The following OPHN1 variants were observed in gnomAD, a reference collection of about 807,000 sequenced individuals.
OPHN1 encodes the protein oligophrenin 1.
OPHN1 carries 11 observed loss-of-function variants against 60.7 expected under a neutral mutation model. The ratio of observed to expected loss-of-function variants is 0.18; its 90% CI spans 0.11 to 0.30. The LOEUF is 0.30. Among genes scored for constraint, OPHN1 ranks in the 10% least tolerant of loss-of-function variants. The pLI is 1.00. For synonymous variants in OPHN1, 226 were observed against 222.6 expected (o/e 1.02, Z -0.14); for missense variants, 449 against 611.0 (o/e 0.73, Z 2.80).
intron 2 of OPHN1, among the ~76,000 whole-genome samples, chrX:68,363,331 CAG>C (rs962875757): frequency 3.6e-5 from 4 of 110,969 alleles, no homozygotes; most frequent in African/African-American, 1.3e-4. Context: ...TTTAGTGAGA[CAG>C]AGTTTCACTC....
chrX:68,153,136 G>C (rs1313337338), intron 15 of OPHN1, among the ~76,000 whole-genome samples: 2 of 106,706 alleles, frequency 1.9e-5, no homozygotes, highest in African/African-American at 6.9e-5. Flanking sequence ...ACTTGAACCC[G>C]GGAGGCGGAG....
intron 2 of OPHN1, among the ~76,000 whole-genome samples, chrX:68,376,072 T>C (rs5965561): frequency 0.29 from 32,811 of 111,242 alleles, 6,735 homozygotes; most frequent in African/African-American, 0.75. Flanking sequence ...TAGAGAAGTC[T>C]TGAAGGAGTT....
chrX:68,191,114 T>A (rs142666520), intron 15 of OPHN1, among the ~76,000 whole-genome samples: 1 of 111,845 alleles, frequency 8.9e-6, no homozygotes, highest in East Asian at 2.8e-4. Flanking sequence ...ACACTCAATT[T>A]GTTCTCTGAC....
chrX:68,375,047 A>G (rs759683594), intron 2 of OPHN1, among the ~76,000 whole-genome samples: 10 of 112,491 alleles, frequency 8.9e-5, no homozygotes, highest in Admixed American at 1.9e-4. Context: ...CCACTCTAGA[A>G]AATGGTTTGG....
intron 16 of OPHN1, among the ~76,000 whole-genome samples, chrX:68,115,511 T>C (rs1401243105): frequency 8.9e-6 from 1 of 112,062 alleles, no homozygotes; most frequent in Non-Finnish European, 1.9e-5. Context: ...TTCAGCAGAA[T>C]CCAAAACAGA....
At chrX:68,112,339 A>C (rs367940641) in intron 17 of OPHN1, 1 of 138,953 alleles carries the variant, frequency 7.2e-6, no homozygotes, top group Non-Finnish European at 1.4e-5. Flanking sequence ...AGACTGTCTC[A>C]GAGGGAGTCA....
chrX:68,191,003 G>A (rs1265975772), intron 15 of OPHN1, among the ~76,000 whole-genome samples: 1 of 111,998 alleles, frequency 8.9e-6, no homozygotes, highest in East Asian at 2.8e-4. Flanking sequence ...ATCCTCAAAT[G>A]TGAGTAGGGT....
intron 15 of OPHN1, among the ~76,000 whole-genome samples, chrX:68,129,246 A>T (rs1330008202): frequency 1.8e-5 from 2 of 111,614 alleles, no homozygotes; most frequent in African/African-American, 3.3e-5. Flanking sequence ...CACAGAGATG[A>T]CCACTTAAGA....
At chrX:68,162,407 A>G (rs767669472) in intron 15 of OPHN1, among the ~76,000 whole-genome samples, 1 of 110,382 alleles carries the variant, frequency 9.1e-6, no homozygotes, top group Admixed American at 9.7e-5. Flanking sequence ...ATAAAATAAT[A>G]AAAAAACTAA....
chrX:68,226,115 G>A (rs892382910), intron 6 of OPHN1, among the ~76,000 whole-genome samples: 9 of 111,745 alleles, frequency 8.1e-5, no homozygotes, highest in Admixed American at 2.9e-4. Flanking sequence ...CGATCAAATG[G>A]AAGAAACGGT....
chrX:68,083,293 C>T (rs772770165), intron 19 of OPHN1, among the ~76,000 whole-genome samples: 18 of 106,974 alleles, frequency 1.7e-4, no homozygotes, highest in African/African-American at 3.4e-4. Flanking sequence ...AGGATGGTCT[C>T]GATCTCCTGA....
At chrX:68,286,129 A>C (rs147703461) in intron 3 of OPHN1, among the ~76,000 whole-genome samples, 84 of 111,049 alleles carry the variant, frequency 7.6e-4, no homozygotes, top group Middle Eastern at 4.6e-3. Flanking sequence ...TAACATTCTA[A>C]ATAGTGTGGC....
intron 19 of OPHN1, among the ~76,000 whole-genome samples, chrX:68,075,265 A>G (rs1046788147): frequency 8.9e-6 from 1 of 112,638 alleles, no homozygotes; most frequent in Non-Finnish European, 1.9e-5. Flanking sequence ...TGGGAAAGAC[A>G]AGGAAGTGAG....
chrX:68,108,302 C>T (rs756127192), intron 18 of OPHN1, among the ~76,000 whole-genome samples: 48 of 111,784 alleles, frequency 4.3e-4, no homozygotes, highest in African/African-American at 1.5e-3. Context: ...CTAAGCACCC[C>T]TGATTCCTTT....
chrX:68,369,879 AAGAC>A (rs1258099747), intron 2 of OPHN1, among the ~76,000 whole-genome samples: 3 of 107,201 alleles, frequency 2.8e-5, no homozygotes, highest in Admixed American at 1.0e-4. Context: ...AAATTGTCAA[AAGAC>A]AGACAGTCTT....
intron 15 of OPHN1, among the ~76,000 whole-genome samples, chrX:68,171,107 A>T (rs1173603056): frequency 9.1e-6 from 1 of 110,415 alleles, no homozygotes; most frequent in Non-Finnish European, 1.9e-5. Context: ...TACATTTTAA[A>T]ATAACTAAAA....
intron 3 of OPHN1, among the ~76,000 whole-genome samples, chrX:68,296,259 T>A (rs925979328): frequency 3.6e-5 from 4 of 112,098 alleles, no homozygotes; most frequent in African/African-American, 1.3e-4. Flanking sequence ...AGTCAGTTCA[T>A]TAAGTCAGCA....
chrX:68,361,273 AGTTCGAGACCAGCTTGGCCAATATG>A (rs1317780151), intron 2 of OPHN1: 3 of 110,660 alleles, frequency 2.7e-5, no homozygotes, highest in Non-Finnish European at 5.7e-5. Context: ...CAAGGTAATG[AGTTCGAGACCAGCTTGGCCAATATG>A]GTGGAACCCT....
intron 2 of OPHN1, among the ~76,000 whole-genome samples, chrX:68,420,262 C>T (rs138450307): frequency 6.7e-4 from 75 of 111,908 alleles, no homozygotes; most frequent in African/African-American, 2.3e-3. Flanking sequence ...TCTTTCATCA[C>T]TAAAGGGAAT....
Sources: gnomAD v4.1 joint callset for allele counts (sites outside exome capture counted in the v4.1 genomes callset) on GRCh38, gnomAD v4.1.1 for gene constraint, MANE v1.5 for transcripts, NCBI Gene and HGNC (gene_info 2026-07-23, HGNC 2026-07-21) for gene names.